The following UNC93A variants were observed in gnomAD, a reference collection of about 807,000 sequenced individuals.
UNC93A encodes N-acetylglucosamine transporter UNC93A.
UNC93A carries 43 observed loss-of-function variants against 47.5 expected under a neutral mutation model. The observed-to-expected ratio is 0.91, with a 90% CI of 0.71 to 1.17. The LOEUF (loss-of-function observed/expected upper bound fraction) is 1.17, where lower values mean the gene tolerates loss of function less well. Ranked by LOEUF, UNC93A falls within the 50% of genes most tolerant of loss-of-function variation. UNC93A has a pLI of 0.00. For synonymous variants in UNC93A, 280 were observed against 258.0 expected, an observed-to-expected ratio of 1.09 and a Z score of -0.82; for missense variants, 605 against 577.6, an observed-to-expected ratio of 1.05 and a Z score of -0.49.
chr6:167,284,821 C>A (rs364164), intron 1 of UNC93A, among the ~76,000 whole-genome samples: 27,205 of 111,082 alleles, frequency 0.24, 4,045 homozygotes, highest in South Asian at 0.3. Context: ...GGGTGCGTTG[C>A]CAAATCGTGG....
intron 4 of UNC93A, among the ~76,000 whole-genome samples, chr6:167,301,090 G>A (rs1778228451): frequency 6.6e-6 from 1 of 152,264 alleles, no homozygotes; most frequent in African/African-American, 2.4e-5. Flanking sequence ...CAGTGGGCAG[G>A]CTTTGGCCCG....
chr6:167,303,938 C>G lies in UNC93A; in HGVS notation c.645C>G (p.Val215=). ...TTTCAGGGAGTGGTGTCCTGGCTGT[C>G]CTGATGATAGCTGCGTTCCTCCAAC... is the stretch of plus-strand genomic sequence containing the variant. ...GIYTGSGVLA[V]LMIAAFLQPI... Residue 215 remains valine, a synonymous_variant, in exon 5 of 8, where the codon GTC becomes GTG. Coordinates refer to ENST00000230256, the MANE Select transcript of UNC93A (RefSeq NM_018974.4). 6.2e-7 allele frequency: 1 copy of G among 1,613,682 alleles called. No individual in the cohort carries two copies. The highest frequency in any genetic ancestry group is 8.5e-7 in the Non-Finnish European group (1 of 1,179,946).
intron 3 of UNC93A, among the ~76,000 whole-genome samples, chr6:167,297,632 T>C (rs1166746607): frequency 6.6e-6 from 1 of 152,204 alleles, no homozygotes; most frequent in Non-Finnish European, 1.5e-5. Context: ...TTTGAAAACT[T>C]GAAAAATTTT....
intron 4 of UNC93A, among the ~76,000 whole-genome samples, chr6:167,301,037 G>T (rs190781647): frequency 6.7e-4 from 102 of 152,370 alleles, no homozygotes; most frequent in African/African-American, 2.3e-3. Flanking sequence ...GTAAGCAAAT[G>T]AGCATGCCTG....
intron 1 of UNC93A, among the ~76,000 whole-genome samples, chr6:167,278,770 C>G (rs55715308): frequency 0.045 from 6,907 of 152,168 alleles, 289 homozygotes; most frequent in African/African-American, 0.1. Flanking sequence ...GGAGACCTCG[C>G]CTTCTCAGGG....
At chr6:167,291,683 G>A (rs751410302) in intron 1 of UNC93A, 107 bp downstream of exon 1, 54 of 1,072,720 alleles carry the variant, frequency 5.0e-5, no homozygotes, top group Non-Finnish European at 7.0e-5. Flanking sequence ...TTCACCTGGT[G>A]TTTCTTTTTC....
In UNC93A at chr6:167,294,684, C is replaced by A; in HGVS notation, c.255C>A (p.Asn85Lys). ...MCGYVAFSVG[N>K]FFASWYTLIP... The stretch of plus-strand genomic sequence containing the variant: ...GCTACGTGGCCTTCTCCGTGGGCAA[C>A]TTCTTCGCCAGCTGGTACGCAGCCA... The change falls in exon 2 of 8, where the codon AAC becomes AAA. Residue 85 changes from asparagine to lysine, a missense_variant. By Grantham distance (94) the Asn-to-Lys change is moderately conservative. Transcript: ENST00000230256. 1 of 1,596,988 alleles carries A rather than the reference C, an allele frequency of 6.3e-7. No individual in the cohort carries two copies. The highest frequency in any genetic ancestry group is 8.6e-7 in the Non-Finnish European group (1 of 1,167,934).
rs546050580 is a variant in UNC93A, at chr6:167,310,087, AGCTAC to A, written c.1108+2179_1108+2183del. On this transcript the variant is annotated intron_variant, in intron 7 of 7. Coordinates refer to ENST00000230256, the MANE Select transcript of UNC93A (RefSeq NM_018974.4). ...CATGTCACCTCGCTGCAGGACTCTT[AGCTAC>A]GTTACCAATAAGCATCAAACAGTAT... Among the ~76,000 whole-genome samples the A allele has an allele frequency of 1.4e-4, 21 of 152,348 alleles. No homozygotes were observed. In the East Asian group the frequency reaches 3.7e-3, roughly 27 times the overall value.
At chr6:167,289,098 A>G (rs1783795943), upstream of UNC93A, among the ~76,000 whole-genome samples, 1 of 152,298 alleles carries the variant, frequency 6.6e-6, no homozygotes, top group African/African-American at 2.4e-5. Flanking sequence ...GCTCCAGTGC[A>G]CACACAGAGC....
intron 5 of UNC93A, among the ~76,000 whole-genome samples, chr6:167,305,554 CTCTG>C (rs1395825399): frequency 6.6e-6 from 1 of 151,438 alleles, no homozygotes; most frequent in East Asian, 1.9e-4. Context: ...CTCTTTCTCT[CTCTG>C]TTTTTTTTTT....
chr6:167,307,781 G>A lies in UNC93A; in HGVS notation c.979G>A (p.Ala327Thr), dbSNP rs148838918. ...CGGTTTCCCCTCTGCACCCCCAGGC[G>A]CGGTGACCCACGTGTCCTGCATGAT... ...TGRAVLYVLG[A>T]VTHVSCMIAL... Residue 327 changes from alanine (A) to threonine (T), a missense_variant and splice_region_variant, in exon 7 of 8, where the codon GCG (alanine) becomes ACG (threonine). Coordinates refer to ENST00000230256, the MANE Select transcript of UNC93A (RefSeq NM_018974.4). The A allele has an allele frequency of 6.5e-4, 1,042 of 1,592,738 alleles. 3 individuals are homozygous for A. Among genetic ancestry groups the A allele is most frequent in the African/African-American group, 3.1e-3 (206 of 67,422 alleles).
At chr6:167,300,863 C>T (rs1778222967) in intron 4 of UNC93A, among the ~76,000 whole-genome samples, 1 of 152,194 alleles carries the variant, frequency 6.6e-6, no homozygotes, top group Non-Finnish European at 1.5e-5. Flanking sequence ...AAAGACTTCT[C>T]CTATCTATAA....
intron 3 of UNC93A, among the ~76,000 whole-genome samples, chr6:167,296,833 A>G (rs1199747346): frequency 6.6e-6 from 1 of 152,158 alleles, no homozygotes; most frequent in East Asian, 1.9e-4. Flanking sequence ...AGGGCAGAGG[A>G]CATACATCTC....
At chr6:167,284,789 T>C (rs890194311) in intron 1 of UNC93A, among the ~76,000 whole-genome samples, 8 of 151,894 alleles carry the variant, frequency 5.3e-5, no homozygotes, top group African/African-American at 1.9e-4. Context: ...AGTCTGGGAC[T>C]CTGAGGGCGG....
chr6:167,286,536 G>A (rs1016398632), upstream of UNC93A, among the ~76,000 whole-genome samples: 2 of 152,216 alleles, frequency 1.3e-5, no homozygotes, highest in Admixed American at 1.3e-4. Flanking sequence ...GCATTATCTC[G>A]CTTGGGGACA....
intron 1 of UNC93A, among the ~76,000 whole-genome samples, chr6:167,292,381 T>C (rs962232769): frequency 1.3e-5 from 2 of 152,166 alleles, no homozygotes; most frequent in Non-Finnish European, 2.9e-5. Context: ...AGAATAAGAA[T>C]TGGGCACCTA....
Position 167,291,428 on chromosome 6 carries a change from G to C in UNC93A, c.-62G>C. 1 of 1,491,768 alleles carries C rather than the reference G, an allele frequency of 6.7e-7. No homozygotes were observed. 92.4% of individuals were successfully genotyped at this position (1,491,768 alleles called of 1,614,324 possible). A position where few individuals can be genotyped will look rare whatever the true frequency, so the allele number is the denominator to read the frequency against. ...GATTGTTTTTCCCATGCCTCAATTGGTTTCTTTTAGGGAGCTACAAATTTA... is the reference window on the plus strand; with the variant it reads ...GATTGTTTTTCCCATGCCTCAATTGCTTTCTTTTAGGGAGCTACAAATTTA... On this transcript the variant is annotated 5_prime_UTR_variant, in exon 1 of 8. Transcript: ENST00000230256.
intron 7 of UNC93A, among the ~76,000 whole-genome samples, chr6:167,310,327 G>A (rs541156425): frequency 3.9e-5 from 6 of 152,288 alleles, no homozygotes; most frequent in Non-Finnish European, 8.8e-5. Flanking sequence ...CAATGAATGT[G>A]ATCATTCATA....
In UNC93A at chr6:167,295,555, CTCCTCGCCTCCCTCGTGA is replaced by C. The variant is rs1562350217; in HGVS notation, c.270-467_270-450del. On this transcript the variant is annotated intron_variant, in intron 2 of 7. Coordinates refer to ENST00000230256, the MANE Select transcript of UNC93A (RefSeq NM_018974.4). ...CCTCGTGCTCCTCGCCTCCCTCGTG[CTCCTCGCCTCCCTCGTGA>C]TCCTCGCCTGCCTCGTGCTCCTCGC... 5.3e-4 allele frequency among the ~76,000 whole-genome samples: 33 copies of C among 61,762 alleles called. 1 individual carries two copies. The highest frequency in any genetic ancestry group is 7.0e-4 in the Non-Finnish European group (22 of 31,596). The allele number at this position is 61,762 out of a possible 152,430, so 40.5% of individuals were successfully genotyped here. A position where few individuals can be genotyped will look rare whatever the true frequency, so the allele number is the denominator to read the frequency against.
Sources: allele counts gnomAD v4.1 joint callset (sites outside exome capture counted in the v4.1 genomes callset), GRCh38; gene constraint gnomAD v4.1.1; transcripts MANE v1.5; gene names NCBI Gene and HGNC (gene_info 2026-07-23, HGNC 2026-07-21).